CSMD1: variants seen among roughly 807,000 people sequenced by gnomAD.
CSMD1 encodes CUB and sushi domain-containing protein 1.
Under a neutral mutation model 417.5 loss-of-function variants are expected in CSMD1, and 213 were observed. The ratio of observed to expected loss-of-function variants is 0.51; its 90% CI spans 0.46 to 0.57. The LOEUF is 0.57. CSMD1 is among the 20% of genes least tolerant of loss of function. The pLI is 0.00. For missense variants in CSMD1, 6,923 were observed against 4,529.7 expected, an observed-to-expected ratio of 1.53 and a Z score of -15.17; for synonymous variants, 2,862 against 1,736.8, an observed-to-expected ratio of 1.65 and a Z score of -16.11.
At chr8:3,685,095 T>C (rs1454694923) in intron 7 of CSMD1, among the ~76,000 whole-genome samples, 1 of 152,196 alleles carries the variant, frequency 6.6e-6, no homozygotes, top group African/African-American at 2.4e-5. Flanking sequence ...AACGATTTAC[T>C]GGGTTCATTA....
chr8:4,373,938 G>T (rs1296132954), intron 3 of CSMD1, among the ~76,000 whole-genome samples: 1 of 152,198 alleles, frequency 6.6e-6, no homozygotes. Flanking sequence ...ATACCTAGAA[G>T]ACTTTAGTGT....
chr8:4,784,085 G>A (rs1224143134), intron 1 of CSMD1, among the ~76,000 whole-genome samples: 3 of 152,142 alleles, frequency 2.0e-5, no homozygotes, highest in Non-Finnish European at 4.4e-5. Flanking sequence ...CATAGGATTT[G>A]GTTCTCTATG....
chr8:2,943,230 CTT>C (rs56129101), intron 68 of CSMD1, among the ~76,000 whole-genome samples: 2 of 144,476 alleles, frequency 1.4e-5, no homozygotes, highest in Non-Finnish European at 3.1e-5. Flanking sequence ...ATTAATTTTT[CTT>C]TTTTTTTTTT....
chr8:4,389,621 T>C (rs1585000158), intron 3 of CSMD1, among the ~76,000 whole-genome samples: 1 of 152,112 alleles, frequency 6.6e-6, no homozygotes, highest in Non-Finnish European at 1.5e-5. Flanking sequence ...TCTCTACAAA[T>C]CCCTCCACAA....
chr8:3,376,779 A>G (rs993327647), intron 18 of CSMD1, among the ~76,000 whole-genome samples: 59 of 127,478 alleles, frequency 4.6e-4, no homozygotes. Flanking sequence ...ATGTTGATAT[A>G]CAATATTATA....
In CSMD1 at chr8:3,657,445, C is replaced by A. The variant is rs1033042382; in HGVS notation, c.1010-40648G>T. Among the ~76,000 whole-genome samples the A allele has an allele frequency of 3.3e-5, 5 of 152,024 alleles. No individual in the cohort carries two copies. The East Asian group carries it at 9.6e-4, about 29-fold the overall frequency. On this transcript the variant is annotated intron_variant, in intron 7 of 69. Transcript: ENST00000635120. ...CTAAGAAAATGACTTGGAACCAACC[C>A]AAATGCCCATCAATGATAGACTGGA...
chr8:3,229,292 C>G (rs1269457163), intron 27 of CSMD1, among the ~76,000 whole-genome samples: 1 of 152,100 alleles, frequency 6.6e-6, no homozygotes, highest in Non-Finnish European at 1.5e-5. Flanking sequence ...GTGACAGTTA[C>G]TTAAAATAAT....
chr8:2,991,974 T>C (rs1040169655), intron 54 of CSMD1, among the ~76,000 whole-genome samples: 8 of 152,348 alleles, frequency 5.3e-5, no homozygotes, highest in Middle Eastern at 3.4e-3. Flanking sequence ...CTTAAAAATA[T>C]GTTAAATCAG....
intron 3 of CSMD1, among the ~76,000 whole-genome samples, chr8:4,309,199 C>T (rs977168993): frequency 1.3e-5 from 2 of 152,152 alleles, no homozygotes; most frequent in Admixed American, 1.3e-4. Context: ...ACTTTCAATT[C>T]CTAGGGTCAG....
intron 1 of CSMD1, among the ~76,000 whole-genome samples, chr8:4,817,801 G>A (rs1483782702): frequency 6.6e-6 from 1 of 152,198 alleles, no homozygotes; most frequent in Non-Finnish European, 1.5e-5. Context: ...CATCATGAGT[G>A]ATATATAAGT....
chr8:4,787,559 G>A, intron 1 of CSMD1: 3 of 1,451,106 alleles, frequency 2.1e-6, no homozygotes, highest in South Asian at 2.3e-5. Context: ...AAAATGTGGG[G>A]AGACAGCTTT....
chr8:4,882,039 ATCTCACTGAATT>A (rs2116960197), intron 1 of CSMD1, among the ~76,000 whole-genome samples: 1 of 152,068 alleles, frequency 6.6e-6, no homozygotes, highest in East Asian at 1.9e-4. Flanking sequence ...TGGGCAAGTA[ATCTCACTGAATT>A]TCTGTTTTCT....
At chr8:4,205,242 C>G (rs907187818) in intron 3 of CSMD1, among the ~76,000 whole-genome samples, 1 of 152,134 alleles carries the variant, frequency 6.6e-6, no homozygotes, top group African/African-American at 2.4e-5. Context: ...CAAATATCAC[C>G]TACATTATAT....
chr8:2,966,896 G>GC, intron 57 of CSMD1, 150 bp from the exon 58 acceptor site: 7 of 620,994 alleles, frequency 1.1e-5, no homozygotes, highest in Non-Finnish European at 2.0e-5. Context: ...TTAACATATG[G>GC]CTTACTATGG....
At position 3,532,228 on chromosome 8, in the gene CSMD1, G is replaced by A. The variant is rs564304730; in HGVS notation, c.1345-38502C>T. Among the ~76,000 whole-genome samples the A allele has an allele frequency of 1.6e-3, 238 of 152,224 alleles. 1 individual carries two copies. The highest frequency in any genetic ancestry group is 2.8e-3 in the Non-Finnish European group (190 of 68,020). On this transcript the variant is annotated intron_variant, in intron 10 of 69. Transcript: ENST00000635120. ...CCGTGTCCTTGATTTCCTTGGGTGT[G>A]AGACCAAGAACTCTAGGTGTCAAGC...
rs550676173 is a variant in CSMD1, at chr8:3,990,612, C to A, written c.818+7291G>T. ...CGTATTCTTTGAAATAGTTTTTTAA[C>A]TTTATTGAAACTCTGGTATTTACTT... On this transcript the variant is annotated intron_variant, in intron 5 of 69. Transcript: ENST00000635120. Among the ~76,000 whole-genome samples the A allele has an allele frequency of 2.6e-5, 4 of 152,254 alleles. No individual in the cohort carries two copies. The East Asian group carries it at 7.7e-4, about 29-fold the overall frequency.
intron 5 of CSMD1, among the ~76,000 whole-genome samples, chr8:3,865,149 C>G (rs923704468): frequency 1.3e-5 from 2 of 152,186 alleles, no homozygotes; most frequent in Admixed American, 1.3e-4. Flanking sequence ...TGTGTTCCAG[C>G]TCAGGCTCCG....
chr8:4,497,297 G>T (rs1184897433), intron 2 of CSMD1, among the ~76,000 whole-genome samples: 2 of 152,096 alleles, frequency 1.3e-5, no homozygotes, highest in Non-Finnish European at 2.9e-5. Flanking sequence ...CCAAAGCAAG[G>T]AATTTTGAAA....
intron 31 of CSMD1, among the ~76,000 whole-genome samples, chr8:3,202,518 A>G (rs1274130530): frequency 1.3e-5 from 2 of 152,188 alleles, no homozygotes; most frequent in East Asian, 3.9e-4. Context: ...GTGTATTCAG[A>G]TTGACGATAC....
Sources: allele counts gnomAD v4.1 joint callset (sites outside exome capture counted in the v4.1 genomes callset), GRCh38; gene constraint gnomAD v4.1.1; transcripts MANE v1.5; gene names NCBI Gene and HGNC (gene_info 2026-07-23, HGNC 2026-07-21).